The following KMO variants were observed in gnomAD, a reference collection of about 807,000 sequenced individuals.
KMO encodes the protein kynurenine 3-monooxygenase, also known as kynurenine 3-hydroxylase.
KMO carries 24 observed loss-of-function variants against 57.8 expected under a neutral mutation model. The ratio of observed to expected loss-of-function variants is 0.42; its 90% confidence interval spans 0.30 to 0.58. The LOEUF is 0.58. KMO is among the 20% of genes least tolerant of loss of function. The probability of loss-of-function intolerance (pLI) is 0.22; values close to 1 mark genes in which losing one functional copy is unlikely to be tolerated. For missense variants in KMO, 483 were observed against 588.2 expected (o/e 0.82, Z 1.85); for synonymous variants, 210 against 193.6 (o/e 1.08, Z -0.70).
chr1:241,562,354 A>G (rs374027964), intron 7 of KMO, 22 bp downstream of exon 7: 94 of 1,611,372 alleles, frequency 5.8e-5, no homozygotes, highest in Admixed American at 2.5e-4. Flanking sequence ...CCCTTTTTCA[A>G]CCCCTTCCCA....
chr1:241,575,048 T>C (rs1662453581), intron 10 of KMO, among the ~76,000 whole-genome samples: 2 of 152,034 alleles, frequency 1.3e-5, no homozygotes, highest in African/African-American at 2.4e-5. Flanking sequence ...TTCCAGTATG[T>C]ATGCAAAAAG....
At chr1:241,556,970 G>T (rs1020377288) in intron 5 of KMO, among the ~76,000 whole-genome samples, 2 of 152,012 alleles carry the variant, frequency 1.3e-5, no homozygotes, top group African/African-American at 2.4e-5. Context: ...ACTGAGAAAG[G>T]GTTGCAATCT....
chr1:241,592,235 T>C lies in KMO; in HGVS notation c.*82T>C. 1 of 974,664 alleles carries C rather than the reference T, an allele frequency of 1.0e-6. No homozygotes were observed. Among genetic ancestry groups the C allele is most frequent in the South Asian group, 1.4e-5 (1 of 68,996 alleles). The allele number at this position is 974,664 out of a possible 1,614,324, so 60.4% of individuals were successfully genotyped here. On this transcript the variant is annotated 3_prime_UTR_variant, in exon 15 of 15. Coordinates refer to ENST00000366559, the MANE Select transcript of KMO (RefSeq NM_003679.5). ...AAAAAAATGTTTCCATTGCCATATT[T>C]GATTCACTAGTGGAAGATAGTGTTC...
intron 1 of KMO, among the ~76,000 whole-genome samples, chr1:241,546,135 A>G (rs1661139128): frequency 6.6e-6 from 1 of 152,098 alleles, no homozygotes; most frequent in African/African-American, 2.4e-5. Context: ...CCCTTGGATC[A>G]TTGGTTTCCT....
Position 241,589,977 on chromosome 1 carries a change from T to C in KMO, c.1099-35T>C, listed in dbSNP as rs757408399. On this transcript the variant is annotated intron_variant, in intron 12 of 14. Coordinates refer to ENST00000366559, the MANE Select transcript of KMO (RefSeq NM_003679.5). ...TCGCAGTGAGAAATAGCTGTATTTG[T>C]TCAAAAGCGTTCTTTAAGACTGTCA... 1.9e-5 allele frequency: 28 copies of C among 1,501,436 alleles called. No individual in the cohort carries two copies. In the East Asian group the frequency reaches 6.3e-4, roughly 34 times the overall value. The allele number at this position is 1,501,436 out of a possible 1,614,324, so 93.0% of individuals were successfully genotyped here. A position where few individuals can be genotyped will look rare whatever the true frequency, so the allele number is the denominator to read the frequency against.
chr1:241,582,550 TGAG>T (rs903624784), intron 10 of KMO, among the ~76,000 whole-genome samples: 9 of 152,212 alleles, frequency 5.9e-5, no homozygotes, highest in Non-Finnish European at 1.0e-4. Context: ...ATTCTGCTGT[TGAG>T]AGACTCTGAT....
At chr1:241,578,248 C>T (rs1380976743) in intron 10 of KMO, among the ~76,000 whole-genome samples, 6 of 152,140 alleles carry the variant, frequency 3.9e-5, no homozygotes, top group Admixed American at 6.5e-5. Flanking sequence ...TGAGCACCAG[C>T]GCTGCTTGAC....
intron 1 of KMO, among the ~76,000 whole-genome samples, chr1:241,533,758 A>G (rs967423992): frequency 6.6e-6 from 1 of 152,226 alleles, no homozygotes; most frequent in African/African-American, 2.4e-5. Flanking sequence ...AAAGAGAAGC[A>G]CTATGAAAGA....
At position 241,532,434 on chromosome 1, in the gene KMO, C is replaced by G; in HGVS notation, c.-11C>G. On this transcript the variant is annotated 5_prime_UTR_variant, in exon 1 of 15. Coordinates refer to ENST00000366559, the MANE Select transcript of KMO (RefSeq NM_003679.5). ...GAAGCAACAATAATTGTGAAAAATACTTCAGCAGTTATGGACTCATCTGTC... is the reference window on the plus strand; with the variant it reads ...GAAGCAACAATAATTGTGAAAAATAGTTCAGCAGTTATGGACTCATCTGTC... The G allele has an allele frequency of 1.9e-6, 3 of 1,612,216 alleles. No homozygotes were observed. The highest frequency in any genetic ancestry group is 2.5e-6 in the Non-Finnish European group (3 of 1,179,286).
intron 1 of KMO, among the ~76,000 whole-genome samples, chr1:241,541,448 C>A (rs2050513): frequency 0.3 from 45,996 of 151,788 alleles, 9,240 homozygotes; most frequent in East Asian, 0.6. Flanking sequence ...AATAAGTCAA[C>A]TTTTAGCTAT....
In KMO at chr1:241,595,341, A is replaced by G. The variant is rs1663473898; in HGVS notation, c.*3188A>G. The G allele has an allele frequency of 6.6e-6, 1 of 152,292 alleles. No homozygotes were observed. The highest frequency in any genetic ancestry group is 1.5e-5 in the Non-Finnish European group (1 of 68,124). The allele number at this position is 152,292 out of a possible 1,614,324, so 9.4% of individuals were successfully genotyped here. A position where few individuals can be genotyped will look rare whatever the true frequency, so the allele number is the denominator to read the frequency against. ...ACAAGAACCTGGGAGGCCAACGCCT[A>G]AAGATCATAATATCACACAATGGAA... On this transcript the variant is annotated 3_prime_UTR_variant, in exon 15 of 15. Transcript: ENST00000366559.
chr1:241,566,949 C>T (rs1399198519), intron 9 of KMO, among the ~76,000 whole-genome samples: 2 of 152,170 alleles, frequency 1.3e-5, no homozygotes, highest in Non-Finnish European at 2.9e-5. Flanking sequence ...ATCTTTGGCA[C>T]AGCAGATACA....
chr1:241,544,838 T>C (rs115834658), intron 1 of KMO, among the ~76,000 whole-genome samples: 2,651 of 152,268 alleles, frequency 0.017, 83 homozygotes, highest in African/African-American at 0.061. Context: ...AGATGATTTG[T>C]GACTAAATTT....
intron 6 of KMO, 37 bp from the exon 7 acceptor site, chr1:241,562,130 C>T: frequency 1.3e-6 from 2 of 1,584,158 alleles, no homozygotes; most frequent in East Asian, 2.2e-5. Context: ...CACCACTAGA[C>T]ATATTTTTCT....
At chr1:241,549,653 T>C in intron 2 of KMO, 24 bp from the exon 3 acceptor site, 1 of 1,487,848 alleles carries the variant, frequency 6.7e-7, no homozygotes, top group Non-Finnish European at 9.4e-7. Context: ...GTGCGTAACA[T>C]GGAGTCTGCT....
intron 11 of KMO, 86 bp downstream of exon 11, chr1:241,586,822 C>A (rs1280188408): frequency 2.2e-6 from 2 of 912,068 alleles, no homozygotes; most frequent in South Asian, 1.5e-5. Context: ...TGATCACAAA[C>A]CTGTGATGTA....
intron 4 of KMO, among the ~76,000 whole-genome samples, chr1:241,555,161 G>GCA (rs997048941): frequency 4.0e-5 from 6 of 151,698 alleles, no homozygotes; most frequent in Admixed American, 1.3e-4. Context: ...ACACACGCGT[G>GCA]CACACACACA....
In KMO at chr1:241,549,533, C is replaced by A. The variant is rs572817852; in HGVS notation, c.125-144C>A. ...CTAAATTTAATTTAATATAAAGTTA[C>A]TGCTATTAGCATTTTCTTTAGAAGA... is the stretch of plus-strand genomic sequence containing the variant. On this transcript the variant is annotated intron_variant, in intron 2 of 14. Transcript: ENST00000366559. 3.2e-4 allele frequency: 133 copies of A among 417,282 alleles called. 1 individual carries two copies. The East Asian group carries it at 4.7e-3, about 15-fold the overall frequency. 25.8% of individuals were successfully genotyped at this position (417,282 alleles called of 1,614,324 possible).
At chr1:241,576,215 T>C (rs1662511141) in intron 10 of KMO, among the ~76,000 whole-genome samples, 1 of 152,034 alleles carries the variant, frequency 6.6e-6, no homozygotes, top group Non-Finnish European at 1.5e-5. Context: ...TTATCCATTC[T>C]GACAATCTAT....
Sources: allele counts gnomAD v4.1 joint callset (sites outside exome capture counted in the v4.1 genomes callset), GRCh38; gene constraint gnomAD v4.1.1; transcripts MANE v1.5; gene names NCBI Gene and HGNC (gene_info 2026-07-23, HGNC 2026-07-21).